Variants in KCNAB1 observed in about 807,000 individuals in gnomAD.
KCNAB1 encodes the protein voltage-gated potassium channel subunit beta-1.
A neutral mutation model predicts 64.6 loss-of-function variants in KCNAB1; 35 were observed. That is an observed-to-expected ratio of 0.54 (90% confidence interval 0.41 to 0.72). The LOEUF (loss-of-function observed/expected upper bound fraction) is 0.72. Ranked by LOEUF, KCNAB1 falls within the 30% of genes least tolerant of loss-of-function variation. The pLI, the probability that KCNAB1 is intolerant of heterozygous loss-of-function variation, is 0.00. For missense variants in KCNAB1, 401 were observed against 512.9 expected (o/e 0.78, Z 2.11); for synonymous variants, 177 against 183.8 (o/e 0.96, Z 0.30).
At chr3:156,390,942 G>A (rs976190211) in intron 1 of KCNAB1, among the ~76,000 whole-genome samples, 2 of 152,134 alleles carry the variant, frequency 1.3e-5, no homozygotes, top group African/African-American at 2.4e-5. Flanking sequence ...CCAGTTGCGA[G>A]TGTTCCCAGA....
intron 1 of KCNAB1, among the ~76,000 whole-genome samples, chr3:156,367,685 G>A (rs2108120185): frequency 6.6e-6 from 1 of 152,260 alleles, no homozygotes; most frequent in Middle Eastern, 3.4e-3. Context: ...CAGCAACATT[G>A]TGCAGGACTG....
chr3:156,280,285 C>T (rs1407215940), intron 1 of KCNAB1, among the ~76,000 whole-genome samples: 41 of 147,574 alleles, frequency 2.8e-4, no homozygotes, highest in South Asian at 2.6e-3. Flanking sequence ...TGTAGATATG[C>T]GGCGTTATTT....
intron 1 of KCNAB1, among the ~76,000 whole-genome samples, chr3:156,237,448 CT>C (rs963888447): frequency 7.2e-4 from 105 of 146,554 alleles, no homozygotes; most frequent in Middle Eastern, 3.5e-3. Context: ...TTAAAGTTGC[CT>C]TTTTTTTTTG....
intron 1 of KCNAB1, among the ~76,000 whole-genome samples, chr3:156,395,501 C>T: frequency 1.5e-5 from 2 of 131,166 alleles, no homozygotes; most frequent in East Asian, 2.2e-4. Context: ...GCCGAGATCC[C>T]GCCACTGCAC....
intron 1 of KCNAB1, among the ~76,000 whole-genome samples, chr3:156,297,312 G>A (rs537265274): frequency 1.4e-5 from 2 of 144,822 alleles, no homozygotes; most frequent in East Asian, 4.1e-4. Flanking sequence ...CAGGGAAGTG[G>A]TGAGAAAGAA....
intron 1 of KCNAB1, among the ~76,000 whole-genome samples, chr3:156,159,322 T>C (rs1715936116): frequency 6.6e-6 from 1 of 152,178 alleles, no homozygotes; most frequent in African/African-American, 2.4e-5. Context: ...ATGTCTCAAG[T>C]GGTTTGTGCT....
intron 1 of KCNAB1, among the ~76,000 whole-genome samples, chr3:156,339,491 T>C (rs960010199): frequency 6.6e-6 from 1 of 152,224 alleles, no homozygotes; most frequent in African/African-American, 2.4e-5. Context: ...TGAAGTGGTC[T>C]GTCCAAAGGT....
intron 1 of KCNAB1, among the ~76,000 whole-genome samples, chr3:156,210,641 G>A (rs1714953351): frequency 1.3e-5 from 2 of 152,128 alleles, no homozygotes; most frequent in South Asian, 4.1e-4. Context: ...TCACCAAACC[G>A]GGTCCAGAGA....
In KCNAB1 at chr3:156,354,239, C is replaced by G. The variant is rs555556919; in HGVS notation, c.276-67377C>G. On this transcript the variant is annotated intron_variant, in intron 1 of 13. Transcript: ENST00000490337. Reference sequence around the variant, plus strand: ...TGGCGTTGGTGTGATCTCGGCTCACCGCAAACTCTGCCTCCTGGGTTCAAG... The same window carrying G: ...TGGCGTTGGTGTGATCTCGGCTCACGGCAAACTCTGCCTCCTGGGTTCAAG... Among the ~76,000 whole-genome samples, 445 of 150,082 alleles carry G rather than the reference C, an allele frequency of 3.0e-3. 2 individuals carry two copies. Among genetic ancestry groups the G allele is most frequent in the Non-Finnish European group, 2.9e-3 (195 of 67,562 alleles).
At chr3:156,180,488 A>G (rs2059537069) in intron 1 of KCNAB1, among the ~76,000 whole-genome samples, 1 of 152,230 alleles carries the variant, frequency 6.6e-6, no homozygotes, top group Non-Finnish European at 1.5e-5. Flanking sequence ...CAGTATCAGG[A>G]AAATGCCTGG....
intron 1 of KCNAB1, among the ~76,000 whole-genome samples, chr3:156,386,971 T>C (rs1712642788): frequency 2.0e-5 from 3 of 151,870 alleles, no homozygotes; most frequent in Admixed American, 2.0e-4. Flanking sequence ...ATTCATTCAT[T>C]CTTGCTTGCT....
chr3:156,279,711 T>C (rs1398612886), intron 1 of KCNAB1, among the ~76,000 whole-genome samples: 2 of 152,384 alleles, frequency 1.3e-5, no homozygotes, highest in South Asian at 4.1e-4. Flanking sequence ...ATTTCTCTGA[T>C]GGCCAGTGAT....
At position 156,536,729 on chromosome 3, in the gene KCNAB1, G is replaced by T; in HGVS notation, c.1242G>T (p.Lys414Asn). ...TACTGCGCAACAAGCCCTACAGCAA[G>T]AAGGACTATAGATCATAAGGCAATG... is the stretch of plus-strand genomic sequence containing the variant. ...DNILRNKPYS[K>N]KDYRS Residue 414 changes from lysine to asparagine, a missense_variant, in exon 14 of 14, where the codon AAG becomes AAT. Coordinates refer to ENST00000490337, the MANE Select transcript of KCNAB1 (RefSeq NM_172160.3). 6.2e-7 allele frequency: 1 copy of T among 1,609,896 alleles called. No homozygotes were observed.
chr3:156,284,599 C>T (rs1225526419), intron 1 of KCNAB1, among the ~76,000 whole-genome samples: 3 of 152,192 alleles, frequency 2.0e-5, no homozygotes, highest in Non-Finnish European at 2.9e-5. Flanking sequence ...TCTCAGACTG[C>T]TGTGCTAGCA....
At chr3:156,158,741 C>G (rs918398891) in intron 1 of KCNAB1, among the ~76,000 whole-genome samples, 4 of 152,202 alleles carry the variant, frequency 2.6e-5, no homozygotes, top group African/African-American at 9.7e-5. Context: ...CATGGTGGGT[C>G]TGTGGCAGCT....
intron 1 of KCNAB1, among the ~76,000 whole-genome samples, chr3:156,142,370 G>T (rs1714756988): frequency 6.6e-6 from 1 of 152,100 alleles, no homozygotes. Flanking sequence ...TTACCTACAA[G>T]TTTATAGTTT....
intron 1 of KCNAB1, among the ~76,000 whole-genome samples, chr3:156,277,396 CT>C (rs1424502633): frequency 6.6e-6 from 1 of 152,124 alleles, no homozygotes; most frequent in Non-Finnish European, 1.5e-5. Context: ...CACCAGTTGA[CT>C]TGCTCCATGC....
intron 1 of KCNAB1, among the ~76,000 whole-genome samples, chr3:156,187,282 C>G (rs1349202927): frequency 2.0e-5 from 3 of 152,194 alleles, no homozygotes; most frequent in Admixed American, 1.3e-4. Context: ...TGAGTTGACT[C>G]ACTCACATTC....
intron 1 of KCNAB1, among the ~76,000 whole-genome samples, chr3:156,311,899 C>G: frequency 6.6e-6 from 1 of 152,160 alleles, no homozygotes; most frequent in East Asian, 1.9e-4. Flanking sequence ...TTAAAGGGTT[C>G]ACTGGGTAGG....
Sources: gnomAD v4.1 joint callset for allele counts (sites outside exome capture counted in the v4.1 genomes callset) on GRCh38, gnomAD v4.1.1 for gene constraint, MANE v1.5 for transcripts, NCBI Gene and HGNC (gene_info 2026-07-23, HGNC 2026-07-21) for gene names.